Variants in ZNF385B observed in about 807,000 individuals in gnomAD.
The protein encoded by ZNF385B is zinc finger protein 385B.
Under a neutral mutation model 39.2 loss-of-function variants are expected in ZNF385B, and 23 were observed. That is an observed-to-expected ratio of 0.59 (90% confidence interval 0.42 to 0.83). ZNF385B has a LOEUF of 0.83. Ranked by LOEUF, ZNF385B falls within the 40% of genes least tolerant of loss-of-function variation. The pLI is 0.00. For missense variants in ZNF385B, 552 were observed against 598.9 expected, an observed-to-expected ratio of 0.92 and a Z score of 0.82; for synonymous variants, 205 against 222.6, an observed-to-expected ratio of 0.92 and a Z score of 0.70.
At chr2:179,604,914 T>C (rs1237309158) in intron 3 of ZNF385B, among the ~76,000 whole-genome samples, 1 of 152,134 alleles carries the variant, frequency 6.6e-6, no homozygotes, top group African/African-American at 2.4e-5. Flanking sequence ...GTAATAAGTG[T>C]TTTCTTTTCA....
At chr2:179,777,183 C>T (rs1420096121) in intron 1 of ZNF385B, among the ~76,000 whole-genome samples, 1 of 150,732 alleles carries the variant, frequency 6.6e-6, no homozygotes, top group African/African-American at 2.4e-5. Context: ...GTAATGATGT[C>T]AATAATGAGA....
chr2:179,834,826 C>T, intron 1 of ZNF385B, among the ~76,000 whole-genome samples: 1 of 152,146 alleles, frequency 6.6e-6, no homozygotes. Flanking sequence ...ACATCATAAG[C>T]CTCCTGGTAT....
At chr2:179,736,177 G>A (rs1353987919) in intron 3 of ZNF385B, among the ~76,000 whole-genome samples, 1 of 152,116 alleles carries the variant, frequency 6.6e-6, no homozygotes, top group Non-Finnish European at 1.5e-5. Flanking sequence ...CTGATTAGGT[G>A]AAGGACTATT....
At chr2:179,488,225 A>G (rs1327363345) in intron 5 of ZNF385B, among the ~76,000 whole-genome samples, 1 of 150,910 alleles carries the variant, frequency 6.6e-6, no homozygotes, top group East Asian at 1.9e-4. Flanking sequence ...CCTTACTGCA[A>G]CCTCCACCTC....
chr2:179,460,705 C>T (rs918766153), intron 6 of ZNF385B, among the ~76,000 whole-genome samples: 1 of 152,308 alleles, frequency 6.6e-6, no homozygotes, highest in Non-Finnish European at 1.5e-5. Flanking sequence ...TGACTCATGA[C>T]TCAACCAGTC....
intron 1 of ZNF385B, among the ~76,000 whole-genome samples, chr2:179,805,598 T>C (rs879673370): frequency 6.6e-6 from 1 of 152,226 alleles, no homozygotes; most frequent in Non-Finnish European, 1.5e-5. Flanking sequence ...TATAGGTTTA[T>C]GTGGCAAATT....
intron 3 of ZNF385B, among the ~76,000 whole-genome samples, chr2:179,559,130 T>C (rs1237473381): frequency 6.6e-6 from 1 of 152,242 alleles, no homozygotes; most frequent in African/African-American, 2.4e-5. Context: ...CTTTCGCCTC[T>C]TCACTGTATG....
chr2:179,578,133 A>G (rs1217878067), intron 3 of ZNF385B, among the ~76,000 whole-genome samples: 1 of 152,104 alleles, frequency 6.6e-6, no homozygotes, highest in Non-Finnish European at 1.5e-5. Context: ...GTTTATATTT[A>G]TGTATGTTGC....
At position 179,675,124 on chromosome 2, in the gene ZNF385B, G is replaced by A. The variant is rs149495566; in HGVS notation, c.298+94379C>T. On this transcript the variant is annotated intron_variant, in intron 3 of 9. Transcript: ENST00000410066. ...CAAAAGCCTTACTGATAACACATTTGGTTAACAAATATTTTATATAGCAGA... is the reference window on the plus strand; with the variant it reads ...CAAAAGCCTTACTGATAACACATTTAGTTAACAAATATTTTATATAGCAGA... Among the ~76,000 whole-genome samples the A allele has an allele frequency of 1.2e-4, 19 of 152,024 alleles. 2 individuals are homozygous for A. The East Asian group carries it at 3.7e-3, about 29-fold the overall frequency.
chr2:179,468,700 A>G (rs1018441659), intron 6 of ZNF385B, among the ~76,000 whole-genome samples: 5 of 152,212 alleles, frequency 3.3e-5, no homozygotes, highest in Non-Finnish European at 7.3e-5. Context: ...TAGCTTTGAT[A>G]CTTCAGGCAG....
chr2:179,661,523 T>G (rs1200785083), intron 3 of ZNF385B, among the ~76,000 whole-genome samples: 2 of 152,212 alleles, frequency 1.3e-5, no homozygotes, highest in African/African-American at 2.4e-5. Flanking sequence ...ATCTTATTGA[T>G]TCTGTATCTC....
chr2:179,803,083 T>C (rs1014467623), intron 1 of ZNF385B, among the ~76,000 whole-genome samples: 2 of 152,186 alleles, frequency 1.3e-5, no homozygotes, highest in African/African-American at 4.8e-5. Context: ...ATCATCCTCA[T>C]GTTACGATGA....
intron 3 of ZNF385B, among the ~76,000 whole-genome samples, chr2:179,569,198 T>C (rs1384799083): frequency 2.6e-5 from 4 of 152,162 alleles, no homozygotes; most frequent in Non-Finnish European, 5.9e-5. Flanking sequence ...GTAGTTTGGC[T>C]CTAGAGTCCA....
chr2:179,678,510 T>C (rs1022706464), intron 3 of ZNF385B, among the ~76,000 whole-genome samples: 2 of 152,174 alleles, frequency 1.3e-5, no homozygotes, highest in Non-Finnish European at 2.9e-5. Flanking sequence ...TGAGAAGCCA[T>C]ACAGGACACT....
chr2:179,450,934 G>A (rs2050066992), intron 6 of ZNF385B, among the ~76,000 whole-genome samples: 1 of 151,986 alleles, frequency 6.6e-6, no homozygotes, highest in African/African-American at 2.4e-5. Flanking sequence ...AAAGTGATGA[G>A]TTCATGTCCT....
chr2:179,755,380 A>G (rs1320636973), intron 3 of ZNF385B, among the ~76,000 whole-genome samples: 1 of 152,142 alleles, frequency 6.6e-6, no homozygotes, highest in African/African-American at 2.4e-5. Context: ...AATAAGTGCA[A>G]TGTGGTGCTG....
chr2:179,813,031 A>G (rs1559217917), intron 1 of ZNF385B, among the ~76,000 whole-genome samples: 1 of 151,826 alleles, frequency 6.6e-6, no homozygotes, highest in Non-Finnish European at 1.5e-5. Flanking sequence ...GTTAATTTTT[A>G]TTGTGTGGAA....
At position 179,460,271 on chromosome 2, in the gene ZNF385B, C is replaced by T. The variant is rs984562989; in HGVS notation, c.716-13501G>A. Among the ~76,000 whole-genome samples, 4 of 152,278 alleles carry T rather than the reference C, an allele frequency of 2.6e-5. 1 individual carries two copies. In the South Asian group the frequency reaches 8.3e-4, roughly 32 times the overall value. ...ATTGAGACAGAGATATCTAACATGG[C>T]TGACTCCATCTTGCTTCTATTCTCA... On this transcript the variant is annotated intron_variant, in intron 6 of 9. Transcript: ENST00000410066.
In ZNF385B at chr2:179,452,470, A is replaced by G. The variant is rs2050251049; in HGVS notation, c.716-5700T>C. Among the ~76,000 whole-genome samples the G allele has an allele frequency of 2.6e-5, 4 of 152,184 alleles. No individual in the cohort carries two copies. The South Asian group carries it at 6.2e-4, about 24-fold the overall frequency. On this transcript the variant is annotated intron_variant, in intron 6 of 9. Coordinates refer to ENST00000410066, the MANE Select transcript of ZNF385B (RefSeq NM_152520.6). ...GTTTTAAGAAACCAATCCTCTTGGC[A>G]TATGGAAGAGTCATGTCCATACCTA...
Sources: allele counts gnomAD v4.1 joint callset (sites outside exome capture counted in the v4.1 genomes callset), GRCh38; gene constraint gnomAD v4.1.1; transcripts MANE v1.5; gene names NCBI Gene and HGNC (gene_info 2026-07-23, HGNC 2026-07-21).